SRCIN1: variants seen among roughly 807,000 people sequenced by gnomAD.
SRCIN1 encodes the protein SRC kinase signaling inhibitor 1, also known as P130Cas-associated protein.
SRCIN1 carries 50 observed loss-of-function variants against 116.2 expected under a neutral mutation model. The observed-to-expected ratio is 0.43, with a 90% CI of 0.34 to 0.54. The LOEUF is 0.54. Ranked by LOEUF, SRCIN1 falls within the 20% of genes least tolerant of loss-of-function variation. The probability of loss-of-function intolerance (pLI) is 0.02; values close to 1 mark genes in which losing one functional copy is unlikely to be tolerated. For synonymous variants in SRCIN1, 736 were observed against 750.0 expected, an observed-to-expected ratio of 0.98 and a Z score of 0.30; for missense variants, 1,446 against 1,672.0, an observed-to-expected ratio of 0.86 and a Z score of 2.36.
chr17:38,566,282 A>G (rs919288190), intron 3 of SRCIN1, among the ~76,000 whole-genome samples: 2 of 152,028 alleles, frequency 1.3e-5, no homozygotes. Flanking sequence ...GGGAGAAGAG[A>G]TGCCCACGTT....
Position 38,551,275 on chromosome 17 carries a change from G to C in SRCIN1, c.2842C>G (p.Leu948Val). The change falls in exon 15 of 19, where the codon CTG becomes GTG. Residue 948 changes from leucine to valine, a missense_variant. Transcript: ENST00000617146. ...QAELLKAIPDLDCASKAHPGP... is the reference protein window; with the variant it reads ...QAELLKAIPDVDCASKAHPGP... ...GGATGGGCCTTGCTGGCACAGTCCA[G>C]GTCAGGGATGGCCTTGAGCAGCTCT... 1 of 1,613,776 alleles carries C rather than the reference G, an allele frequency of 6.2e-7. No individual in the cohort carries two copies.
rs1206843566 is a variant in SRCIN1 at position 38,585,262 on chromosome 17, C to CA, written c.23-6472_23-6471insT. Among the ~76,000 whole-genome samples, 45 of 152,314 alleles carry CA rather than the reference C, an allele frequency of 3.0e-4. No individual in the cohort carries two copies. Among genetic ancestry groups the CA allele is most frequent in the Non-Finnish European group, 5.7e-4 (39 of 68,016 alleles). The stretch of plus-strand genomic sequence containing the variant: ...GAGGACCTGCCTGCCTTAGGCCACA[C>CA]CCACACACACACACAAACACACAGC... On this transcript the variant is annotated intron_variant, in intron 1 of 18. Transcript: ENST00000617146. The surrounding 1 kb of genome is among the most constrained non-coding windows in gnomAD (Gnocchi z 4.2).
rs1389637533 is a variant in SRCIN1, at chr17:38,558,018, C to T, written c.2201+209G>A. Among the ~76,000 whole-genome samples the T allele has an allele frequency of 6.6e-6, 1 of 152,166 alleles. No individual in the cohort carries two copies. Among genetic ancestry groups the T allele is most frequent in the East Asian group, 1.9e-4 (1 of 5,194 alleles). On this transcript the variant is annotated intron_variant, in intron 11 of 18. Coordinates refer to ENST00000617146, the MANE Select transcript of SRCIN1 (RefSeq NM_025248.3). The surrounding 1 kb of genome is among the most constrained non-coding windows in gnomAD (Gnocchi z 4.6). ...ACCATAGCAAAAGCAGGCATCAAGC[C>T]AGAAAAAAGAAATCAGGAATAATGC...
At chr17:38,592,399 G>A (rs62077540) in intron 1 of SRCIN1, among the ~76,000 whole-genome samples, 5,531 of 152,236 alleles carry the variant, frequency 0.036, 102 homozygotes, top group Non-Finnish European at 0.045. Context: ...CCTCAACCAG[G>A]TGGTCACCAG....
At position 38,585,282 on chromosome 17, in the gene SRCIN1, C is replaced by T. The variant is rs919708169; in HGVS notation, c.23-6491G>A. 1.3e-5 allele frequency among the ~76,000 whole-genome samples: 2 copies of T among 152,194 alleles called. No individual in the cohort carries two copies. The highest frequency in any genetic ancestry group is 6.5e-5 in the Admixed American group (1 of 15,290). The stretch of plus-strand genomic sequence containing the variant: ...CCACACCCACACACACACACAAACA[C>T]ACAGCATGAGGCTCCCCCAGTCCCT... On this transcript the variant is annotated intron_variant, in intron 1 of 18. Coordinates refer to ENST00000617146, the MANE Select transcript of SRCIN1 (RefSeq NM_025248.3). The surrounding 1 kb of genome is among the most constrained non-coding windows in gnomAD (Gnocchi z 4.2).
chr17:38,574,460 A>G (rs1242989634), intron 2 of SRCIN1, among the ~76,000 whole-genome samples: 1 of 152,142 alleles, frequency 6.6e-6, no homozygotes, highest in African/African-American at 2.4e-5. Flanking sequence ...GAACTTCCTG[A>G]TGGTGGGACA....
chr17:38,595,256 T>C (rs1376265542), intron 1 of SRCIN1, among the ~76,000 whole-genome samples: 2 of 152,036 alleles, frequency 1.3e-5, no homozygotes, highest in African/African-American at 4.8e-5. Flanking sequence ...CTTGCTCTGT[T>C]ACCCAGGCTG....
In SRCIN1 at chr17:38,559,933, G is replaced by C. The variant is rs988839734; in HGVS notation, c.1837+121C>G. 2.6e-4 allele frequency: 350 copies of C among 1,348,488 alleles called. 2 individuals carry two copies. Among genetic ancestry groups the C allele is most frequent in the Non-Finnish European group, 2.9e-4 (284 of 966,372 alleles). The allele number at this position is 1,348,488 out of a possible 1,614,324, so 83.5% of individuals were successfully genotyped here. A position where few individuals can be genotyped will look rare whatever the true frequency, so the allele number is the denominator to read the frequency against. On this transcript the variant is annotated intron_variant, in intron 9 of 18. Coordinates refer to ENST00000617146, the MANE Select transcript of SRCIN1 (RefSeq NM_025248.3). Reference sequence around the variant, plus strand: ...GTCAGCCCTAACGGTGGGGACCAAAGTGCCAGGAAAAAGACCTCTTGGGCT... The same window carrying C: ...GTCAGCCCTAACGGTGGGGACCAAACTGCCAGGAAAAAGACCTCTTGGGCT...
chr17:38,597,735 TCA>T (rs1410273808), intron 1 of SRCIN1, among the ~76,000 whole-genome samples: 3 of 152,302 alleles, frequency 2.0e-5, no homozygotes, highest in Middle Eastern at 3.4e-3. Context: ...CACCCCTCTC[TCA>T]GTCTTTGGCT....
intron 1 of SRCIN1, among the ~76,000 whole-genome samples, chr17:38,588,272 A>G (rs945282024): frequency 7.9e-5 from 12 of 152,184 alleles, no homozygotes; most frequent in African/African-American, 2.7e-4. Context: ...GATCTGGCTA[A>G]TTGGCTTCCC....
At chr17:38,539,494 G>A (rs998918671) in intron 18 of SRCIN1, among the ~76,000 whole-genome samples, 1 of 152,146 alleles carries the variant, frequency 6.6e-6, no homozygotes, top group Non-Finnish European at 1.5e-5. Context: ...CTGTGGCAGG[G>A]TGAGAGAGAG....
chr17:38,549,941 A>G (rs56140522), intron 15 of SRCIN1, among the ~76,000 whole-genome samples: 43,488 of 152,054 alleles, frequency 0.29, 7,495 homozygotes, highest in African/African-American at 0.49. Context: ...CGCTCTCACT[A>G]GCTAGGGAAG....
At position 38,562,923 on chromosome 17, in the gene SRCIN1, G is replaced by T; in HGVS notation, c.741-3C>A. ...TAATACTGCGGTCCTGGATGTCCCT[G>T]GGAGAGGCGGGGAGACGGGGGTCAC... On this transcript the variant is annotated splice_polypyrimidine_tract_variant and splice_region_variant and intron_variant, in intron 5 of 18. Transcript: ENST00000617146. The surrounding 1 kb of genome is among the most constrained non-coding windows in gnomAD (Gnocchi z 4.2). 6.2e-7 allele frequency: 1 copy of T among 1,609,982 alleles called. No homozygotes were observed.
intron 1 of SRCIN1, among the ~76,000 whole-genome samples, chr17:38,589,440 C>G (rs1332229529): frequency 6.6e-6 from 1 of 152,202 alleles, no homozygotes; most frequent in Non-Finnish European, 1.5e-5. Context: ...ACTTGCCCAT[C>G]CTGAGTCCCT....
At chr17:38,574,533 G>A (rs1164935045) in intron 2 of SRCIN1, among the ~76,000 whole-genome samples, 1 of 152,176 alleles carries the variant, frequency 6.6e-6, no homozygotes, top group East Asian at 1.9e-4. Context: ...GAATAAGATA[G>A]TCCTCAGTGG....
rs1906660216 is a variant in SRCIN1 at position 38,566,028 on chromosome 17, G to A, written c.346-1715C>T. Among the ~76,000 whole-genome samples, 3 of 152,194 alleles carry A rather than the reference G, an allele frequency of 2.0e-5. No individual in the cohort carries two copies. The South Asian group carries it at 6.2e-4, about 32-fold the overall frequency. ...GCTCTGTGGCAGTGTGGGGAACCAG[G>A]TCTGGTCTGGTGGTCATGGGGTTGC... On this transcript the variant is annotated intron_variant, in intron 3 of 18. Transcript: ENST00000617146.
In SRCIN1 at chr17:38,563,001, A is replaced by G; in HGVS notation, c.741-81T>C. 2 of 1,234,910 alleles carry G rather than the reference A, an allele frequency of 1.6e-6. No individual in the cohort carries two copies. Among genetic ancestry groups the G allele is most frequent in the Non-Finnish European group, 2.3e-6 (2 of 860,128 alleles). The allele number at this position is 1,234,910 out of a possible 1,614,324, so 76.5% of individuals were successfully genotyped here. A position where few individuals can be genotyped will look rare whatever the true frequency, so the allele number is the denominator to read the frequency against. On this transcript the variant is annotated intron_variant, in intron 5 of 18. Coordinates refer to ENST00000617146, the MANE Select transcript of SRCIN1 (RefSeq NM_025248.3). This position sits in a 1 kb window ranked among gnomAD's most constrained non-coding sequence, Gnocchi z 5.8. ...GAAGGGATGGCTACTCCAGGCCTAG[A>G]GAAGAGGGGTGGCCAGAGGCACCGG... is the stretch of plus-strand genomic sequence containing the variant.
chr17:38,560,491 A>T lies in SRCIN1; in HGVS notation c.1701-66T>A, dbSNP rs549606447. The T allele has an allele frequency of 1.7e-5, 23 of 1,346,486 alleles. No individual in the cohort carries two copies. The African/African-American group carries it at 3.3e-4, about 20-fold the overall frequency. 83.4% of individuals were successfully genotyped at this position (1,346,486 alleles called of 1,614,324 possible). On this transcript the variant is annotated intron_variant, in intron 7 of 18. Transcript: ENST00000617146. ...TAGGGTCTCTCCTGCCCAGCCCCCC[A>T]TTCCTAAGATTGGTAACCAGAAGAA...
chr17:38,592,662 A>G (rs1378052127), intron 1 of SRCIN1, among the ~76,000 whole-genome samples: 1 of 152,230 alleles, frequency 6.6e-6, no homozygotes, highest in Non-Finnish European at 1.5e-5. Context: ...AGGTGTGTAA[A>G]GTATCTAGCA....
Sources: allele counts gnomAD v4.1 joint callset (sites outside exome capture counted in the v4.1 genomes callset), GRCh38; gene constraint gnomAD v4.1.1; non-coding constraint Gnocchi (gnomAD v3.1); transcripts MANE v1.5; gene names NCBI Gene and HGNC (gene_info 2026-07-23, HGNC 2026-07-21).